The following FANK1 variants were observed in gnomAD, a reference collection of about 807,000 sequenced individuals.
FANK1 encodes fibronectin type III and ankyrin repeat domains 1, also known as fibronectin type 3 and ankyrin repeat domains protein 1.
FANK1 carries 44 observed loss-of-function variants against 45.3 expected under a neutral mutation model. The ratio of observed to expected loss-of-function variants is 0.97; its 90% CI spans 0.76 to 1.25. The LOEUF is 1.25. Ranked by LOEUF, FANK1 falls within the 50% of genes most tolerant of loss-of-function variation. The pLI is 0.00. For synonymous variants in FANK1, 149 were observed against 152.5 expected (o/e 0.98, Z 0.17); for missense variants, 391 against 424.4 (o/e 0.92, Z 0.69).
chr10:125,996,296 G>A (rs762343623), intron 4 of FANK1, among the ~76,000 whole-genome samples: 26 of 152,188 alleles, frequency 1.7e-4, no homozygotes, highest in African/African-American at 4.8e-4. Flanking sequence ...GCTTTGAGCC[G>A]AAGCATGTAT....
chr10:125,996,722 T>C (rs1952360214), intron 5 of FANK1, 98 bp downstream of exon 5: 6 of 1,135,870 alleles, frequency 5.3e-6, no homozygotes, highest in South Asian at 1.4e-5. Context: ...AAAAGGGCCA[T>C]GGAGGAACCG....
intron 3 of FANK1, among the ~76,000 whole-genome samples, chr10:125,990,716 AG>A (rs1285038064): frequency 6.6e-6 from 1 of 152,126 alleles, no homozygotes; most frequent in Non-Finnish European, 1.5e-5. Flanking sequence ...AATTTTAGGA[AG>A]GGCTGTTTAT....
At chr10:125,982,633 TG>T (rs1451432131) in intron 2 of FANK1, among the ~76,000 whole-genome samples, 1 of 152,244 alleles carries the variant, frequency 6.6e-6, no homozygotes, top group African/African-American at 2.4e-5. Flanking sequence ...ATGTTTGGAT[TG>T]TGGATTTAAG....
chr10:125,929,673 C>T (rs947554406), intron 1 of FANK1, among the ~76,000 whole-genome samples: 17 of 152,194 alleles, frequency 1.1e-4, no homozygotes, highest in Non-Finnish European at 2.2e-4. Context: ...AACAGTGGAG[C>T]GTGTGCAGGT....
intron 1 of FANK1, among the ~76,000 whole-genome samples, chr10:125,909,491 C>G (rs1367871239): frequency 6.7e-6 from 1 of 149,740 alleles, no homozygotes; most frequent in Non-Finnish European, 1.5e-5. Context: ...GAGATGGATG[C>G]TTAGATCAGT....
At chr10:125,992,786 T>C (rs1208399560) in intron 3 of FANK1, among the ~76,000 whole-genome samples, 3 of 151,504 alleles carry the variant, frequency 2.0e-5, no homozygotes, top group Non-Finnish European at 2.9e-5. Flanking sequence ...AGAGAGGTGG[T>C]TGGGGCTGTG....
Position 125,946,508 on chromosome 10 carries a change from G to A in FANK1, c.14-33653G>A, listed in dbSNP as rs1056471426. On this transcript the variant is annotated intron_variant, in intron 1 of 10. Coordinates refer to ENST00000368693, the MANE Select transcript of FANK1 (RefSeq NM_145235.5). ...TGATCAACTGGAAGAAAGGGTATCA[G>A]CAATGGAAGATGAAATGAATGAAAT... is the stretch of plus-strand genomic sequence containing the variant. Among the ~76,000 whole-genome samples, 248 of 152,190 alleles carry A rather than the reference G, an allele frequency of 1.6e-3. 1 individual carries two copies. The highest frequency in any genetic ancestry group is 5.4e-3 in the African/African-American group (226 of 41,498).
chr10:125,934,498 G>A (rs1338307533), intron 1 of FANK1, among the ~76,000 whole-genome samples: 3 of 152,000 alleles, frequency 2.0e-5, no homozygotes, highest in African/African-American at 7.3e-5. Flanking sequence ...GCTCCGGGAT[G>A]TCTGGCTAGT....
chr10:125,940,404 G>A (rs750092019), intron 1 of FANK1, among the ~76,000 whole-genome samples: 2 of 152,140 alleles, frequency 1.3e-5, no homozygotes, highest in African/African-American at 2.4e-5. Context: ...GGATGTGCAC[G>A]TAGGCCAGAT....
At chr10:125,952,365 G>A (rs983241862) in intron 1 of FANK1, among the ~76,000 whole-genome samples, 1 of 152,096 alleles carries the variant, frequency 6.6e-6, no homozygotes, top group African/African-American at 2.4e-5. Context: ...TCAGGTCAGG[G>A]TTTAGATGCC....
Position 126,009,249 on chromosome 10 carries a change from A to G in FANK1, c.955A>G (p.Arg319Gly), listed in dbSNP as rs1205880618. Residue 319 changes from arginine to glycine, a missense_variant, in exon 10 of 11, where the codon AGA becomes GGA. Physicochemically the swap from Arg to Gly is moderately radical, Grantham distance 125. Coordinates refer to ENST00000368693, the MANE Select transcript of FANK1 (RefSeq NM_145235.5). ...CGGCAAAGGTGTCCTAGAAATGGCC[A>G]GAGTTTTTGACAGACAGGTTGGGAT... is the stretch of plus-strand genomic sequence containing the variant. Reference protein sequence around the residue: ...EFGKGVLEMARVFDRQSVVSL... With the variant: ...EFGKGVLEMAGVFDRQSVVSL... 1 of 1,614,218 alleles carries G rather than the reference A, an allele frequency of 6.2e-7. No individual in the cohort carries two copies. The highest frequency in any genetic ancestry group is 8.5e-7 in the Non-Finnish European group (1 of 1,180,042).
intron 1 of FANK1, among the ~76,000 whole-genome samples, chr10:125,979,385 T>G (rs1226573643): frequency 6.6e-6 from 1 of 152,178 alleles, no homozygotes; most frequent in Non-Finnish European, 1.5e-5. Context: ...TGCAGAAGTT[T>G]CCAGGGGTGG....
intron 1 of FANK1, among the ~76,000 whole-genome samples, chr10:125,924,886 A>T (rs1435060744): frequency 6.6e-6 from 1 of 152,154 alleles, no homozygotes; most frequent in Non-Finnish European, 1.5e-5. Flanking sequence ...TTTAATATGT[A>T]GAACTGATGA....
chr10:125,904,173 A>G lies in FANK1; in HGVS notation c.13+7518A>G, dbSNP rs187397394. 4.2e-3 allele frequency among the ~76,000 whole-genome samples: 638 copies of G among 152,320 alleles called. 2 individuals are homozygous for G. The highest frequency in any genetic ancestry group is 7.1e-3 in the Non-Finnish European group (485 of 68,028). On this transcript the variant is annotated intron_variant, in intron 1 of 10. Transcript: ENST00000368693. Reference sequence around the variant, plus strand: ...ACTGAGCGTAGTATTAGTAAAACCTATCTTCTACTCATGAAAAGTCAATCA... The same window carrying G: ...ACTGAGCGTAGTATTAGTAAAACCTGTCTTCTACTCATGAAAAGTCAATCA...
At chr10:125,916,186 T>C (rs1201414804) in intron 1 of FANK1, among the ~76,000 whole-genome samples, 2 of 152,144 alleles carry the variant, frequency 1.3e-5, no homozygotes, top group East Asian at 3.9e-4. Context: ...TACAGGTGCA[T>C]GCCACCACGC....
chr10:125,977,597 C>T (rs552436881), intron 1 of FANK1, among the ~76,000 whole-genome samples: 15 of 152,232 alleles, frequency 9.9e-5, no homozygotes, highest in South Asian at 4.2e-4. Context: ...ATGTTCCTTT[C>T]TCAGCTTAGA....
At chr10:125,948,246 G>T (rs1948950378) in intron 1 of FANK1, among the ~76,000 whole-genome samples, 1 of 150,916 alleles carries the variant, frequency 6.6e-6, no homozygotes, top group Non-Finnish European at 1.5e-5. Flanking sequence ...CTAGCAGAAG[G>T]CAAGAAATAA....
intron 1 of FANK1, among the ~76,000 whole-genome samples, chr10:125,965,623 C>T (rs2134184448): frequency 1.3e-5 from 2 of 152,316 alleles, no homozygotes; most frequent in South Asian, 4.1e-4. Flanking sequence ...GGCTGCTGTA[C>T]TTCTTTGAGC....
intron 1 of FANK1, among the ~76,000 whole-genome samples, chr10:125,927,064 A>T (rs1947397684): frequency 6.6e-6 from 1 of 152,072 alleles, no homozygotes; most frequent in East Asian, 1.9e-4. Context: ...TTAGCCTCCC[A>T]GAGTGCTGGG....
Sources: gnomAD v4.1 joint callset for allele counts (sites outside exome capture counted in the v4.1 genomes callset) on GRCh38, gnomAD v4.1.1 for gene constraint, MANE v1.5 for transcripts, NCBI Gene and HGNC (gene_info 2026-07-23, HGNC 2026-07-21) for gene names.